The following BTF3L4 variants were observed in gnomAD, a reference collection of about 807,000 sequenced individuals.
The protein encoded by BTF3L4 is transcription factor BTF3 homolog 4.
BTF3L4 carries 6 observed loss-of-function variants against 16.8 expected under a neutral mutation model. That is an observed-to-expected ratio of 0.36 (90% CI 0.20 to 0.71). The LOEUF is 0.71. BTF3L4 is among the 30% of genes least tolerant of loss of function. BTF3L4 has a pLI of 0.58. For missense variants in BTF3L4, 92 were observed against 186.9 expected, an observed-to-expected ratio of 0.49 and a Z score of 2.96; for synonymous variants, 39 against 59.8, an observed-to-expected ratio of 0.65 and a Z score of 1.60.
chr1:52,077,524 C>G (rs985642921), intron 3 of BTF3L4, among the ~76,000 whole-genome samples: 1 of 152,154 alleles, frequency 6.6e-6, no homozygotes, highest in African/African-American at 2.4e-5. Context: ...CGCCATTGCA[C>G]TCTAACTTGG....
intron 3 of BTF3L4, among the ~76,000 whole-genome samples, chr1:52,075,280 G>A (rs1037028942): frequency 6.0e-5 from 9 of 151,050 alleles, no homozygotes; most frequent in South Asian, 2.1e-4. Context: ...TGGGCCGGGC[G>A]CGGTGGCTCA....
At chr1:52,080,479 T>A (rs1231772178) in intron 3 of BTF3L4, among the ~76,000 whole-genome samples, 1 of 149,796 alleles carries the variant, frequency 6.7e-6, no homozygotes, top group East Asian at 2.0e-4. Flanking sequence ...TATTTGAGAC[T>A]CTGCACCCAG....
Position 52,089,788 on chromosome 1 carries a change from T to C in BTF3L4, c.*3030T>C, listed in dbSNP as rs949114908. 2 of 152,218 alleles carry C rather than the reference T, an allele frequency of 1.3e-5. No homozygotes were observed. The highest frequency in any genetic ancestry group is 2.4e-5 in the African/African-American group (1 of 41,460). 9.4% of individuals were successfully genotyped at this position (152,218 alleles called of 1,614,324 possible). ...TGGGCTCTTATATCTGTTTTACCCT[T>C]ATTTTTCCCATTAAGTAATGGTTTA... On this transcript the variant is annotated 3_prime_UTR_variant, in exon 6 of 6. Transcript: ENST00000313334.
intron 3 of BTF3L4, among the ~76,000 whole-genome samples, chr1:52,081,862 A>C (rs1643926618): frequency 6.6e-6 from 1 of 152,216 alleles, no homozygotes; most frequent in Non-Finnish European, 1.5e-5. Flanking sequence ...TCTGTGTTCC[A>C]GGTCTTGCCT....
chr1:52,076,766 T>C (rs1274951499), intron 3 of BTF3L4, among the ~76,000 whole-genome samples: 3 of 152,212 alleles, frequency 2.0e-5, no homozygotes, highest in Non-Finnish European at 4.4e-5. Flanking sequence ...GACTGATTTA[T>C]AAGAGCGTGT....
intron 3 of BTF3L4, among the ~76,000 whole-genome samples, chr1:52,073,753 A>G (rs571179675): frequency 6.8e-6 from 1 of 147,838 alleles, no homozygotes; most frequent in Non-Finnish European, 1.5e-5. Context: ...TAATCCCAGT[A>G]CTTTGCGAGG....
At chr1:52,060,937 C>T (rs1462815832) in intron 2 of BTF3L4, among the ~76,000 whole-genome samples, 1 of 152,160 alleles carries the variant, frequency 6.6e-6, no homozygotes, top group East Asian at 1.9e-4. Flanking sequence ...CTTGATGTAC[C>T]ACATCGCCAT....
intron 2 of BTF3L4, among the ~76,000 whole-genome samples, chr1:52,061,630 C>T (rs141683905): frequency 2.4e-3 from 331 of 138,156 alleles, no homozygotes; most frequent in African/African-American, 8.3e-3. Context: ...TATGGTACAG[C>T]TATTCTTTTT....
chr1:52,075,768 A>G (rs1421568299), intron 3 of BTF3L4, among the ~76,000 whole-genome samples: 1 of 151,868 alleles, frequency 6.6e-6, no homozygotes, highest in Non-Finnish European at 1.5e-5. Context: ...GGTTCAAGTG[A>G]TTATCCTGCC....
At chr1:52,069,796 G>GT (rs1686738619) in intron 3 of BTF3L4, among the ~76,000 whole-genome samples, 1 of 152,134 alleles carries the variant, frequency 6.6e-6, no homozygotes, top group African/African-American at 2.4e-5. Flanking sequence ...CAAGTAAAGT[G>GT]TTTCTCCATA....
At chr1:52,057,081 T>A (rs1686386012) in intron 1 of BTF3L4, among the ~76,000 whole-genome samples, 1 of 152,208 alleles carries the variant, frequency 6.6e-6, no homozygotes, top group South Asian at 2.1e-4. Context: ...AAAACAACCC[T>A]GTGAAGTACG....
At chr1:52,066,048 A>G (rs78915722) in intron 3 of BTF3L4, among the ~76,000 whole-genome samples, 1 of 152,266 alleles carries the variant, frequency 6.6e-6, no homozygotes, top group South Asian at 2.1e-4. Context: ...AAAAAAAAAA[A>G]TTGTATGTCA....
intron 2 of BTF3L4, among the ~76,000 whole-genome samples, chr1:52,063,509 G>T (rs145830868): frequency 2.0e-5 from 3 of 152,056 alleles, no homozygotes; most frequent in East Asian, 3.9e-4. Flanking sequence ...CCTCTATAAG[G>T]CTGATTCCCT....
intron 3 of BTF3L4, among the ~76,000 whole-genome samples, chr1:52,078,254 G>T: frequency 7.1e-6 from 1 of 141,608 alleles, no homozygotes; most frequent in Non-Finnish European, 1.5e-5. Flanking sequence ...GGTAGTGATG[G>T]GGTTCTCGCT....
intron 1 of BTF3L4, among the ~76,000 whole-genome samples, chr1:52,057,726 G>T (rs943388936): frequency 6.6e-6 from 1 of 152,184 alleles, no homozygotes; most frequent in Admixed American, 6.5e-5. Context: ...AGAAACAAAA[G>T]ACTACTCTTG....
chr1:52,085,367 G>GT (rs1467558521), intron 4 of BTF3L4, among the ~76,000 whole-genome samples: 2 of 140,944 alleles, frequency 1.4e-5, no homozygotes, highest in African/African-American at 2.7e-5. Flanking sequence ...TTGTTTGTTT[G>GT]TTTTTTTGTT....
chr1:52,082,695 T>C (rs1643935496), intron 3 of BTF3L4, among the ~76,000 whole-genome samples: 1 of 150,074 alleles, frequency 6.7e-6, no homozygotes, highest in Non-Finnish European at 1.5e-5. Context: ...ACCGAGGTCA[T>C]GCCACTGCAC....
intron 4 of BTF3L4, among the ~76,000 whole-genome samples, chr1:52,085,262 A>G (rs1251276398): frequency 6.6e-6 from 1 of 151,082 alleles, no homozygotes. Flanking sequence ...CTCGTGATCC[A>G]CCTGCCTCAG....
chr1:52,090,347 G>T lies in BTF3L4; in HGVS notation c.*3589G>T, dbSNP rs937939176. 2 of 152,172 alleles carry T rather than the reference G, an allele frequency of 1.3e-5. No homozygotes were observed. Among genetic ancestry groups the T allele is most frequent in the African/African-American group, 4.8e-5 (2 of 41,438 alleles). The allele number at this position is 152,172 out of a possible 1,614,324, so 9.4% of individuals were successfully genotyped here. A position where few individuals can be genotyped will look rare whatever the true frequency, so the allele number is the denominator to read the frequency against. ...TCCTAAGCTATGGCTTAGATTTTCCGAAGCTCATGGTTCTAGGCACAGAAA... is the reference window on the plus strand; with the variant it reads ...TCCTAAGCTATGGCTTAGATTTTCCTAAGCTCATGGTTCTAGGCACAGAAA... On this transcript the variant is annotated 3_prime_UTR_variant, in exon 6 of 6. Coordinates refer to ENST00000313334, the MANE Select transcript of BTF3L4 (RefSeq NM_152265.5).
Sources: gnomAD v4.1 joint callset for allele counts (sites outside exome capture counted in the v4.1 genomes callset) on GRCh38, gnomAD v4.1.1 for gene constraint, MANE v1.5 for transcripts, NCBI Gene and HGNC (gene_info 2026-07-23, HGNC 2026-07-21) for gene names.